CTTNBP2: variants seen among roughly 807,000 people sequenced by gnomAD.
The protein encoded by CTTNBP2 is cortactin binding protein 2.
Under a neutral mutation model 156.9 loss-of-function variants are expected in CTTNBP2, and 108 were observed. The ratio of observed to expected loss-of-function variants is 0.69; its 90% CI spans 0.59 to 0.81. The LOEUF is 0.81. Among genes scored for constraint, CTTNBP2 ranks in the 30% least tolerant of loss-of-function variants. CTTNBP2 has a pLI of 0.00. For missense variants in CTTNBP2, 1,924 were observed against 2,035.4 expected, an observed-to-expected ratio of 0.95 and a Z score of 1.05; for synonymous variants, 767 against 751.8, an observed-to-expected ratio of 1.02 and a Z score of -0.33.
chr7:117,871,585 C>A, intron 1 of CTTNBP2: 1 of 167,060 alleles, frequency 6.0e-6, no homozygotes. Context: ...AGAGGGAACA[C>A]TGACCTTGTT....
In CTTNBP2 at chr7:117,792,472, G is replaced by A. The variant is rs771192411; in HGVS notation, c.724C>T (p.Arg242Cys). 11 of 1,614,038 alleles carry A rather than the reference G, an allele frequency of 6.8e-6. No individual in the cohort carries two copies. The highest frequency in any genetic ancestry group is 3.3e-5 in the South Asian group (3 of 91,090). Residue 242 changes from arginine to cysteine, a missense_variant, in exon 4 of 23, where the codon CGT becomes TGT. By Grantham distance (180) the Arg-to-Cys change is radical. Coordinates refer to ENST00000160373, the MANE Select transcript of CTTNBP2 (RefSeq NM_033427.3). This position sits in a 1 kb window ranked among gnomAD's most constrained non-coding sequence, Gnocchi z 4.2. ...GCTTCTTCCCGGTTCAGCTTGGCAC[G>A]AAGCTGTTCCCGCTCAGTGTCAAAC... The part of the protein sequence containing the change: ...SEFDTEREQL[R>C]AKLNREEAHT...
rs574775210 is a variant in CTTNBP2 at position 117,823,195 on chromosome 7, A to T, written c.190-12206T>A. 1.7e-3 allele frequency among the ~76,000 whole-genome samples: 266 copies of T among 152,176 alleles called. 1 individual carries two copies. The highest frequency in any genetic ancestry group is 2.8e-3 in the Non-Finnish European group (193 of 68,004). ...AAATGCTACCAACCAGTAGGACAAG[A>T]CTCTCTCACAATGTTCATTTCTTAA... is the stretch of plus-strand genomic sequence containing the variant. On this transcript the variant is annotated intron_variant, in intron 2 of 22. Transcript: ENST00000160373.
In CTTNBP2 at chr7:117,723,435, G is replaced by A. The variant is rs201506328; in HGVS notation, c.4447+1112C>T. Among the ~76,000 whole-genome samples the A allele has an allele frequency of 1.4e-4, 21 of 152,174 alleles. No individual in the cohort carries two copies. The East Asian group carries it at 3.3e-3, about 24-fold the overall frequency. On this transcript the variant is annotated intron_variant, in intron 19 of 22. Transcript: ENST00000160373. ...TTAGAAACCCCACTGCTATAAAGTT[G>A]GCATAAAATTTCACAAAACAAATAC...
At chr7:117,793,443 C>T (rs937226701) in intron 3 of CTTNBP2, 3 of 152,336 alleles carry the variant, frequency 2.0e-5, no homozygotes, top group African/African-American at 7.2e-5. Context: ...TGCTTACTCC[C>T]TTAGCTTCGC....
rs1345865253 is a variant in CTTNBP2, at chr7:117,719,561, A to G, written c.4587T>C (p.Asp1529=). Residue 1529 remains aspartate (D), a synonymous_variant, in exon 21 of 23, where the codon GAT becomes GAC. Transcript: ENST00000160373. ...RLSLGSDDEA[D]LVKELQSMCS... ...ACATGCTCTGAAGTTCCTTGACAAGATCTGCTTCGTCATCTGAACCCAGAG... is the reference window on the plus strand; with the variant it reads ...ACATGCTCTGAAGTTCCTTGACAAGGTCTGCTTCGTCATCTGAACCCAGAG... 6.2e-7 allele frequency: 1 copy of G among 1,613,990 alleles called. No individual in the cohort carries two copies. The highest frequency in any genetic ancestry group is 8.5e-7 in the Non-Finnish European group (1 of 1,179,904).
chr7:117,828,094 T>C (rs968773908), intron 2 of CTTNBP2, among the ~76,000 whole-genome samples: 5 of 152,124 alleles, frequency 3.3e-5, no homozygotes, highest in African/African-American at 1.2e-4. Flanking sequence ...ACTCACTCCA[T>C]ATCAAAAGCA....
intron 16 of CTTNBP2, among the ~76,000 whole-genome samples, chr7:117,730,841 A>AT (rs1274224765): frequency 6.6e-6 from 1 of 150,700 alleles, no homozygotes. Flanking sequence ...CAGGGGGTAT[A>AT]TTTTTATCTT....
In CTTNBP2 at chr7:117,871,793, CCACA is replaced by C. The variant is rs10545703; in HGVS notation, c.81+1538_81+1541del. On this transcript the variant is annotated intron_variant, in intron 1 of 22. Coordinates refer to ENST00000160373, the MANE Select transcript of CTTNBP2 (RefSeq NM_033427.3). ...ACCTTTCTGGGGAACAAGAAACACA[CCACA>C]CACACACACACACACACACACCCTC... is the stretch of plus-strand genomic sequence containing the variant. 1,285 of 212,540 alleles carry C rather than the reference CCACA, an allele frequency of 6.0e-3. 1 individual carries two copies. Among genetic ancestry groups the C allele is most frequent in the African/African-American group, 7.4e-3 (278 of 37,378 alleles). 13.2% of individuals were successfully genotyped at this position (212,540 alleles called of 1,614,324 possible).
At chr7:117,750,637 A>C (rs562834578) in intron 12 of CTTNBP2, among the ~76,000 whole-genome samples, 51 of 152,324 alleles carry the variant, frequency 3.3e-4, no homozygotes, top group Admixed American at 7.2e-4. Flanking sequence ...ACAACAACAA[A>C]AAAAAACCTT....
rs535531579 is a variant in CTTNBP2, at chr7:117,796,760, C to T, written c.415-3979G>A. On this transcript the variant is annotated intron_variant, in intron 3 of 22. Coordinates refer to ENST00000160373, the MANE Select transcript of CTTNBP2 (RefSeq NM_033427.3). ...CCTCTGAAAACACACTAGAGGCATA[C>T]AAAAATCTAGAGAATACACCATATT... Among the ~76,000 whole-genome samples the T allele has an allele frequency of 5.3e-5, 8 of 152,152 alleles. No individual in the cohort carries two copies. In the South Asian group the frequency reaches 6.2e-4, roughly 12 times the overall value.
intron 3 of CTTNBP2, among the ~76,000 whole-genome samples, chr7:117,797,958 A>C (rs1347466289): frequency 6.6e-6 from 1 of 152,194 alleles, no homozygotes; most frequent in Non-Finnish European, 1.5e-5. Context: ...CAGGAAGCTC[A>C]GCAATTTCAA....
chr7:117,834,232 T>A (rs1382082459), intron 2 of CTTNBP2, among the ~76,000 whole-genome samples: 1 of 152,124 alleles, frequency 6.6e-6, no homozygotes, highest in East Asian at 1.9e-4. Flanking sequence ...TTTTTGTATT[T>A]TTAGTAGAGA....
rs370798516 is a variant in CTTNBP2 at position 117,711,658 on chromosome 7, G to A, written c.4871C>T (p.Ser1624Phe). The A allele has an allele frequency of 2.9e-5, 46 of 1,613,966 alleles. No homozygotes were observed. Among genetic ancestry groups the A allele is most frequent in the Non-Finnish European group, 3.8e-5 (45 of 1,179,936 alleles). The change falls in exon 23 of 23, where the codon TCC becomes TTC. Residue 1624 changes from serine to phenylalanine, a missense_variant. Coordinates refer to ENST00000160373, the MANE Select transcript of CTTNBP2 (RefSeq NM_033427.3). ...GCTGCTGCTTCTTTTGGTGTTCTGG[G>A]AACACTGGGTGACTTTACTTCTAGG... The part of the protein sequence containing the change: ...PVPRSKVTQC[S>F]QNTKRSSSSS...
rs1021669079 is a variant in CTTNBP2, at chr7:117,763,543, TTTC to T, written c.2897-2836_2897-2834del. 1.7e-3 allele frequency among the ~76,000 whole-genome samples: 243 copies of T among 146,510 alleles called. 3 individuals carry two copies. Among genetic ancestry groups the T allele is most frequent in the African/African-American group, 3.1e-3 (119 of 38,238 alleles). On this transcript the variant is annotated intron_variant, in intron 9 of 22. Coordinates refer to ENST00000160373, the MANE Select transcript of CTTNBP2 (RefSeq NM_033427.3). ...AATCCAATTACACCATTGTTTTCTT[TTTC>T]TTCTTCTTCTTTTTTTTTTTTTTTT...
intron 12 of CTTNBP2, among the ~76,000 whole-genome samples, chr7:117,749,710 T>C (rs528802310): frequency 6.5e-4 from 97 of 149,634 alleles, no homozygotes; most frequent in Non-Finnish European, 1.2e-3. Flanking sequence ...TCTTTTTTTA[T>C]TTTTTTTTTA....
intron 2 of CTTNBP2, among the ~76,000 whole-genome samples, chr7:117,832,629 T>C (rs1466151368): frequency 6.6e-6 from 1 of 152,042 alleles, no homozygotes; most frequent in African/African-American, 2.4e-5. Flanking sequence ...CTTGATGCTC[T>C]ACTATCTGAG....
intron 16 of CTTNBP2, among the ~76,000 whole-genome samples, chr7:117,728,951 G>A (rs145871507): frequency 2.3e-4 from 35 of 152,266 alleles, no homozygotes; most frequent in East Asian, 5.8e-4. Flanking sequence ...ACTTTCTACC[G>A]TCAGCCAGGG....
At chr7:117,820,739 C>T (rs1362875990) in intron 2 of CTTNBP2, among the ~76,000 whole-genome samples, 3 of 152,096 alleles carry the variant, frequency 2.0e-5, no homozygotes, top group African/African-American at 4.8e-5. Flanking sequence ...ATGTAGGTTT[C>T]GTTGCTTTAT....
intron 2 of CTTNBP2, among the ~76,000 whole-genome samples, chr7:117,817,404 G>T (rs1800686543): frequency 8.9e-6 from 1 of 111,844 alleles, no homozygotes. Flanking sequence ...ATCAGAATGT[G>T]AAGTTTTAGA....
Sources: gnomAD v4.1 joint callset for allele counts (sites outside exome capture counted in the v4.1 genomes callset) on GRCh38, gnomAD v4.1.1 for gene constraint, Gnocchi (gnomAD v3.1) non-coding constraint, MANE v1.5 for transcripts, NCBI Gene and HGNC (gene_info 2026-07-23, HGNC 2026-07-21) for gene names.